The following FARS2 variants were observed in gnomAD, a reference collection of about 807,000 sequenced individuals.
FARS2 encodes the protein phenylalanine--tRNA ligase, mitochondrial.
A neutral mutation model predicts 46.4 loss-of-function variants in FARS2; 40 were observed. The ratio of observed to expected loss-of-function variants is 0.86; its 90% confidence interval spans 0.67 to 1.12. The LOEUF is 1.12. FARS2 is among the 50% of genes most tolerant of loss of function. The pLI, the probability that FARS2 is intolerant of heterozygous loss-of-function variation, is 0.00. For missense variants in FARS2, 513 were observed against 567.9 expected (o/e 0.90, Z 0.98); for synonymous variants, 234 against 214.9 (o/e 1.09, Z -0.78).
intron 1 of FARS2, among the ~76,000 whole-genome samples, chr6:5,346,917 T>G (rs1410418414): frequency 6.6e-6 from 1 of 151,984 alleles, no homozygotes; most frequent in Admixed American, 6.6e-5. Context: ...TTAGGTTTTT[T>G]TTTTTTTTTT....
chr6:5,647,538 A>G (rs928210591), intron 6 of FARS2, among the ~76,000 whole-genome samples: 5 of 152,264 alleles, frequency 3.3e-5, no homozygotes, highest in African/African-American at 1.2e-4. Context: ...AAAAGTTTTG[A>G]CAACTGATTG....
At chr6:5,613,470 C>G (rs1157268039) in intron 6 of FARS2, 150 bp downstream of exon 6, 1 of 566,340 alleles carries the variant, frequency 1.8e-6, no homozygotes, top group Admixed American at 3.7e-5. Context: ...TCAGAAAACT[C>G]TTTGATATCA....
chr6:5,505,754 G>A (rs765561790), intron 4 of FARS2, among the ~76,000 whole-genome samples: 2 of 152,146 alleles, frequency 1.3e-5, no homozygotes, highest in Non-Finnish European at 2.9e-5. Flanking sequence ...AGCAGAGGTA[G>A]CCAGTCTGCA....
chr6:5,450,405 G>A (rs899713066), intron 4 of FARS2, among the ~76,000 whole-genome samples: 2 of 151,918 alleles, frequency 1.3e-5, no homozygotes, highest in Non-Finnish European at 2.9e-5. Context: ...AACTAGTTTG[G>A]TAAGGGGCCA....
chr6:5,729,033 G>A (rs1043817453), intron 6 of FARS2, among the ~76,000 whole-genome samples: 6 of 152,216 alleles, frequency 3.9e-5, no homozygotes, highest in Admixed American at 3.3e-4. Context: ...GAAGCTGGCA[G>A]GAGATTCCGA....
chr6:5,319,569 T>C (rs1167108567), intron 1 of FARS2, among the ~76,000 whole-genome samples: 1 of 152,194 alleles, frequency 6.6e-6, no homozygotes, highest in African/African-American at 2.4e-5. Context: ...GATGGATCTC[T>C]CGAGTTGCCT....
intron 2 of FARS2, among the ~76,000 whole-genome samples, chr6:5,371,391 T>A (rs1209051211): frequency 1.3e-5 from 2 of 152,204 alleles, no homozygotes; most frequent in Non-Finnish European, 2.9e-5. Flanking sequence ...TGTTGTTTAA[T>A]CTTTGTAATT....
intron 4 of FARS2, among the ~76,000 whole-genome samples, chr6:5,510,705 G>A (rs533486431): frequency 1.3e-5 from 2 of 152,350 alleles, no homozygotes; most frequent in South Asian, 2.1e-4. Flanking sequence ...ACACAGTGAT[G>A]AGCTTGACCC....
intron 6 of FARS2, among the ~76,000 whole-genome samples, chr6:5,654,707 C>G (rs1777526908): frequency 6.6e-6 from 1 of 152,096 alleles, no homozygotes; most frequent in African/African-American, 2.4e-5. Context: ...GTTTCAGTAT[C>G]TATCCTGTCA....
At chr6:5,682,986 C>A (rs17141163) in intron 6 of FARS2, among the ~76,000 whole-genome samples, 2 of 152,244 alleles carry the variant, frequency 1.3e-5, no homozygotes, top group Middle Eastern at 3.4e-3. Flanking sequence ...GAGGCAGAAC[C>A]GAGTTTGACA....
At chr6:5,252,080 A>G in the FARS2 span, among the ~76,000 whole-genome samples, 1 of 152,208 alleles carries the variant, frequency 6.6e-6, no homozygotes, top group Admixed American at 6.5e-5. Flanking sequence ...GTTGATCAGC[A>G]CTTAGGTTGA....
intron 6 of FARS2, among the ~76,000 whole-genome samples, chr6:5,748,092 T>C (rs751204386): frequency 6.6e-6 from 1 of 152,104 alleles, no homozygotes; most frequent in Non-Finnish European, 1.5e-5. Flanking sequence ...CTCCCATTGC[T>C]ACCCCTTTCT....
chr6:5,747,373 C>G (rs1319692436), intron 6 of FARS2, among the ~76,000 whole-genome samples: 3 of 152,192 alleles, frequency 2.0e-5, no homozygotes, highest in Admixed American at 6.5e-5. Context: ...CCAGTTAGAC[C>G]ATTGCAAAAA....
At chr6:5,424,109 G>A (rs1762715078) in intron 3 of FARS2, among the ~76,000 whole-genome samples, 2 of 152,176 alleles carry the variant, frequency 1.3e-5, no homozygotes, top group South Asian at 4.1e-4. Context: ...CTTTATCTAA[G>A]TGGGAGCTGC....
intron 4 of FARS2, among the ~76,000 whole-genome samples, chr6:5,517,377 C>T (rs1428447373): frequency 2.0e-5 from 3 of 151,976 alleles, no homozygotes; most frequent in Non-Finnish European, 4.4e-5. Flanking sequence ...TTTGGGAGGC[C>T]GAGGCAGGCA....
chr6:5,610,156 TC>T (rs755658344), intron 5 of FARS2: 13 of 1,053,754 alleles, frequency 1.2e-5, no homozygotes, highest in Non-Finnish European at 1.7e-5. Context: ...ATGAAGAGCT[TC>T]CTCAGCTATT....
intron 1 of FARS2, among the ~76,000 whole-genome samples, chr6:5,313,041 G>C (rs1000365479): frequency 9.2e-5 from 14 of 152,160 alleles, no homozygotes. Flanking sequence ...GAGAGGGAGA[G>C]AGAGAAAAAG....
At chr6:5,604,717 G>A (rs150845703) in intron 5 of FARS2, among the ~76,000 whole-genome samples, 6 of 152,056 alleles carry the variant, frequency 3.9e-5, no homozygotes, top group African/African-American at 9.7e-5. Context: ...TAACAATATC[G>A]AGGTATACAC....
At chr6:5,489,444 A>T (rs1390135451) in intron 4 of FARS2, among the ~76,000 whole-genome samples, 1 of 151,952 alleles carries the variant, frequency 6.6e-6, no homozygotes, top group African/African-American at 2.4e-5. Context: ...ACAGAATGAA[A>T]CTCCATCTCA....
Sources: allele counts gnomAD v4.1 joint callset (sites outside exome capture counted in the v4.1 genomes callset), GRCh38; gene constraint gnomAD v4.1.1; transcripts MANE v1.5; gene names NCBI Gene and HGNC (gene_info 2026-07-23, HGNC 2026-07-21).